Variants in KCNG2 observed in about 807,000 individuals in gnomAD.
KCNG2 encodes potassium voltage-gated channel modifier subfamily G member 2, also known as voltage-gated potassium channel regulatory subunit KCNG2.
A neutral mutation model predicts 12.3 loss-of-function variants in KCNG2; 7 were observed. That is an observed-to-expected ratio of 0.57 (90% confidence interval 0.32 to 1.07). The LOEUF (loss-of-function observed/expected upper bound fraction) is 1.07. Ranked by LOEUF, KCNG2 falls within the 50% of genes least tolerant of loss-of-function variation. The probability of loss-of-function intolerance (pLI) is 0.04; values close to 1 mark genes in which losing one functional copy is unlikely to be tolerated. For synonymous variants in KCNG2, 414 were observed against 351.4 expected, an observed-to-expected ratio of 1.18 and a Z score of -1.99; for missense variants, 703 against 726.0, an observed-to-expected ratio of 0.97 and a Z score of 0.36.
At chr18:79,872,291 T>TTTGTTTG (rs1405049384) in intron 3 of KCNG2, among the ~76,000 whole-genome samples, 1 of 135,622 alleles carries the variant, frequency 7.4e-6, no homozygotes, top group Non-Finnish European at 1.6e-5. Context: ...TTTTTTTTTT[T>TTTGTTTG]TTTTTTTTTT....
At chr18:79,860,061 A>G (rs1979157144) in intron 2 of KCNG2, among the ~76,000 whole-genome samples, 1 of 152,246 alleles carries the variant, frequency 6.6e-6, no homozygotes, top group Non-Finnish European at 1.5e-5. Context: ...CAGTTATGGC[A>G]GAAAGCAAAG....
chr18:79,895,921 G>A (rs1322836049), intron 3 of KCNG2, among the ~76,000 whole-genome samples: 1 of 152,170 alleles, frequency 6.6e-6, no homozygotes, highest in Non-Finnish European at 1.5e-5. Context: ...TTTGCATGGG[G>A]TGAATATTTT....
At chr18:79,855,575 T>C (rs1375564503) in intron 1 of KCNG2, among the ~76,000 whole-genome samples, 1 of 152,028 alleles carries the variant, frequency 6.6e-6, no homozygotes, top group Admixed American at 6.6e-5. Context: ...CACCCCACTG[T>C]GCATGCTAGG....
intron 3 of KCNG2, among the ~76,000 whole-genome samples, chr18:79,877,899 G>A (rs887356529): frequency 6.6e-6 from 1 of 152,238 alleles, no homozygotes; most frequent in Non-Finnish European, 1.5e-5. Context: ...TGCCTGCTCA[G>A]CCTGGCCCCA....
intron 2 of KCNG2, among the ~76,000 whole-genome samples, chr18:79,862,623 G>T (rs1172044329): frequency 6.6e-6 from 1 of 152,196 alleles, no homozygotes; most frequent in African/African-American, 2.4e-5. Flanking sequence ...GGAACTCTTA[G>T]AACTTTATCA....
Position 79,804,273 on chromosome 18 carries a change from C to T in KCNG2, c.-115+6259C>T, listed in dbSNP as rs192764466. Among the ~76,000 whole-genome samples the T allele has an allele frequency of 6.6e-5, 10 of 152,340 alleles. No individual in the cohort carries two copies. The East Asian group carries it at 1.7e-3, about 26-fold the overall frequency. ...CAGGCCGGAAGGCACCAGCCACAGC[C>T]GCTGGACCCTGGCCCTGCTGGACTC... On this transcript the variant is annotated intron_variant, in intron 1 of 3. Transcript: ENST00000316249.
intron 3 of KCNG2, among the ~76,000 whole-genome samples, chr18:79,897,144 C>A (rs1224112801): frequency 6.6e-6 from 1 of 151,094 alleles, no homozygotes; most frequent in Non-Finnish European, 1.5e-5. Context: ...TTTTTTTCAG[C>A]ATTATCTCTC....
intron 1 of KCNG2, among the ~76,000 whole-genome samples, chr18:79,849,111 C>T (rs1978726289): frequency 6.6e-6 from 1 of 152,148 alleles, no homozygotes; most frequent in Non-Finnish European, 1.5e-5. Context: ...GGCCCCGCCT[C>T]CACATCGAGC....
rs532132977 is a variant in KCNG2, at chr18:79,842,231, A to G, written c.-114-14148A>G. On this transcript the variant is annotated intron_variant, in intron 1 of 3. Transcript: ENST00000316249. ...CAGACCCAAACTCCAGGCCTGTCCC[A>G]TGGACCCAGGCCCCAAGCTGGCCCT... 2.6e-5 allele frequency among the ~76,000 whole-genome samples: 4 copies of G among 152,258 alleles called. No individual in the cohort carries two copies. The East Asian group carries it at 7.7e-4, about 29-fold the overall frequency.
At chr18:79,832,643 C>G (rs1443676501) in intron 1 of KCNG2, among the ~76,000 whole-genome samples, 1 of 152,194 alleles carries the variant, frequency 6.6e-6, no homozygotes, top group Admixed American at 6.5e-5. Flanking sequence ...CTGGGAGAGC[C>G]GTGCAGATCA....
chr18:79,899,653 C>A lies in KCNG2; in HGVS notation c.1238C>A (p.Ser413Tyr), dbSNP rs747828572. The change falls in exon 4 of 4, where the codon TCC becomes TAC. Residue 413 changes from serine to tyrosine, a missense_variant. Ser to Tyr is a moderately radical substitution (Grantham distance 144, BLOSUM62 -2). Transcript: ENST00000316249. ...SIFHTFSRSY[S>Y]ELKEQQQRAA... is the part of the protein sequence containing the mutation. ...TTCCACACCTTTTCGCGCTCCTACTCCGAGCTCAAGGAGCAGCAGCAGCGC... is the reference window on the plus strand; with the variant it reads ...TTCCACACCTTTTCGCGCTCCTACTACGAGCTCAAGGAGCAGCAGCAGCGC... The A allele has an allele frequency of 6.2e-7, 1 of 1,607,104 alleles. No homozygotes were observed.
intron 1 of KCNG2, among the ~76,000 whole-genome samples, chr18:79,809,488 G>C (rs1278475824): frequency 1.9e-5 from 2 of 102,708 alleles, no homozygotes; most frequent in African/African-American, 3.7e-5. Flanking sequence ...TCCACGTTAT[G>C]GGCCCAGAGT....
chr18:79,819,564 G>A (rs531672478), intron 1 of KCNG2, among the ~76,000 whole-genome samples: 18 of 152,302 alleles, frequency 1.2e-4, no homozygotes, highest in African/African-American at 2.6e-4. Flanking sequence ...TGTTCACGCC[G>A]CGGGGTTTGT....
intron 3 of KCNG2, among the ~76,000 whole-genome samples, chr18:79,891,550 G>A (rs902053406): frequency 6.6e-6 from 1 of 152,140 alleles, no homozygotes; most frequent in Non-Finnish European, 1.5e-5. Context: ...TACTTTAGCT[G>A]CACCATATAA....
chr18:79,842,433 G>A (rs757489436), intron 1 of KCNG2, among the ~76,000 whole-genome samples: 86 of 152,180 alleles, frequency 5.7e-4, no homozygotes, highest in Non-Finnish European at 8.1e-4. Flanking sequence ...AGATACCAAT[G>A]CAAGGGCACA....
chr18:79,800,162 G>A lies in KCNG2; in HGVS notation c.-115+2148G>A, dbSNP rs1415083585. On this transcript the variant is annotated intron_variant, in intron 1 of 3. Coordinates refer to ENST00000316249, the MANE Select transcript of KCNG2 (RefSeq NM_012283.2). This position sits in a 1 kb window ranked among gnomAD's most constrained non-coding sequence, Gnocchi z 4.0. The stretch of plus-strand genomic sequence containing the variant: ...TGGCAGGCGTGGGGGCGGGAGTGAA[G>A]GGAGCAGATGGGGCTGTGCCGACAG... Among the ~76,000 whole-genome samples, 1 of 152,164 alleles carries A rather than the reference G, an allele frequency of 6.6e-6. No homozygotes were observed. The highest frequency in any genetic ancestry group is 1.5e-5 in the Non-Finnish European group (1 of 68,020).
intron 3 of KCNG2, among the ~76,000 whole-genome samples, chr18:79,898,713 A>G (rs542704098): frequency 1.4e-3 from 218 of 152,328 alleles, no homozygotes; most frequent in African/African-American, 3.4e-3. Flanking sequence ...TCACATATAA[A>G]TAGATGTTTC....
intron 1 of KCNG2, among the ~76,000 whole-genome samples, chr18:79,846,702 G>A (rs557299557): frequency 6.6e-6 from 1 of 152,328 alleles, no homozygotes; most frequent in South Asian, 2.1e-4. Context: ...GCCTGGAACT[G>A]AAGTTAGATA....
chr18:79,867,201 G>C (rs1357833283), intron 3 of KCNG2, among the ~76,000 whole-genome samples: 1 of 151,930 alleles, frequency 6.6e-6, no homozygotes, highest in East Asian at 1.9e-4. Context: ...AGATCTGGGT[G>C]CTGAGAGATC....
Sources: gnomAD v4.1 joint callset for allele counts (sites outside exome capture counted in the v4.1 genomes callset) on GRCh38, gnomAD v4.1.1 for gene constraint, Gnocchi (gnomAD v3.1) non-coding constraint, MANE v1.5 for transcripts, NCBI Gene and HGNC (gene_info 2026-07-23, HGNC 2026-07-21) for gene names.